NRG1: variants seen among roughly 807,000 people sequenced by gnomAD.
The protein encoded by NRG1 is pro-neuregulin-1, membrane-bound isoform.
In NRG1, 18 loss-of-function variants were observed where a neutral mutation model predicts 63.8. The observed-to-expected ratio is 0.28, with a 90% CI of 0.19 to 0.42. The LOEUF is 0.42. NRG1 is among the 10% of genes least tolerant of loss of function. NRG1 has a pLI of 1.00. For missense variants in NRG1, 762 were observed against 814.7 expected, an observed-to-expected ratio of 0.94 and a Z score of 0.79; for synonymous variants, 302 against 301.3, an observed-to-expected ratio of 1.00 and a Z score of -0.02.
chr8:32,645,173 A>G (rs913880095), intron 5 of NRG1, among the ~76,000 whole-genome samples: 1 of 152,196 alleles, frequency 6.6e-6, no homozygotes, highest in East Asian at 1.9e-4. Context: ...AGATCTTACT[A>G]TCTTTCAATT....
At chr8:32,352,910 T>G (rs547177728) in intron 1 of NRG1, among the ~76,000 whole-genome samples, 24 of 118,266 alleles carry the variant, frequency 2.0e-4, no homozygotes, top group African/African-American at 6.8e-4. Context: ...CATATATATA[T>G]ATATAGAGAG....
chr8:32,359,204 C>T (rs1806884933), intron 1 of NRG1, among the ~76,000 whole-genome samples: 1 of 152,042 alleles, frequency 6.6e-6, no homozygotes, highest in Non-Finnish European at 1.5e-5. Flanking sequence ...TTGAAGAGTA[C>T]ATAAGAGACG....
At chr8:32,311,228 G>A (rs1316814096) in intron 1 of NRG1, among the ~76,000 whole-genome samples, 1 of 152,216 alleles carries the variant, frequency 6.6e-6, no homozygotes, top group Non-Finnish European at 1.5e-5. Context: ...GAACAAGACA[G>A]ATAAGATTCC....
chr8:32,362,793 T>G (rs555313156), intron 1 of NRG1, among the ~76,000 whole-genome samples: 3 of 152,230 alleles, frequency 2.0e-5, no homozygotes, highest in Admixed American at 1.3e-4. Context: ...CCATGGAAGA[T>G]CTAATGAAAA....
chr8:32,709,173 A>C (rs151090405), intron 5 of NRG1, among the ~76,000 whole-genome samples: 2 of 152,284 alleles, frequency 1.3e-5, no homozygotes, highest in Non-Finnish European at 2.9e-5. Context: ...TTAGGAAACA[A>C]AGAAGCCTAA....
At chr8:32,357,325 A>C (rs1477278310) in intron 1 of NRG1, among the ~76,000 whole-genome samples, 4 of 152,228 alleles carry the variant, frequency 2.6e-5, no homozygotes, top group Non-Finnish European at 5.9e-5. Flanking sequence ...TGTTAGCACA[A>C]AGAAAGGATG....
chr8:32,508,457 GT>G (rs34925580), intron 1 of NRG1, among the ~76,000 whole-genome samples: 25,187 of 143,760 alleles, frequency 0.18, 2,378 homozygotes, highest in Admixed American at 0.31. Context: ...TACCCAGCTA[GT>G]TTTTTTTTTT....
intron 1 of NRG1, among the ~76,000 whole-genome samples, chr8:32,566,655 T>A (rs181072441): frequency 6.6e-6 from 1 of 152,182 alleles, no homozygotes. Context: ...TAAGGTGATG[T>A]TTATTATATT....
intron 7 of NRG1, among the ~76,000 whole-genome samples, chr8:32,747,423 C>T (rs890094626): frequency 7.9e-5 from 12 of 151,712 alleles, no homozygotes; most frequent in African/African-American, 2.2e-4. Context: ...AATGTTTTCA[C>T]GTGGATGTTC....
chr8:32,462,504 A>C (rs1011168772), intron 1 of NRG1, among the ~76,000 whole-genome samples: 1 of 152,086 alleles, frequency 6.6e-6, no homozygotes, highest in African/African-American at 2.4e-5. Flanking sequence ...GAGCACATAA[A>C]ATCTACTTAT....
chr8:32,538,784 G>A (rs1461739920), intron 1 of NRG1, among the ~76,000 whole-genome samples: 4 of 152,210 alleles, frequency 2.6e-5, no homozygotes, highest in African/African-American at 7.2e-5. Context: ...ATATACATAC[G>A]GTGGTTGTGT....
chr8:32,454,523 A>G (rs562324504), intron 1 of NRG1, among the ~76,000 whole-genome samples: 18 of 151,542 alleles, frequency 1.2e-4, no homozygotes, highest in Non-Finnish European at 2.4e-4. Flanking sequence ...AAGAAAAAAA[A>G]CCGACATTGG....
chr8:32,750,485 C>A (rs1054684361), intron 7 of NRG1, among the ~76,000 whole-genome samples: 4 of 151,992 alleles, frequency 2.6e-5, no homozygotes, highest in African/African-American at 9.7e-5. Context: ...AGTCCCGGAC[C>A]ATGGTTGGGT....
intron 1 of NRG1, among the ~76,000 whole-genome samples, chr8:32,457,835 A>G (rs913339147): frequency 2.6e-5 from 4 of 152,154 alleles, no homozygotes; most frequent in Admixed American, 6.6e-5. Context: ...ATACATGCTT[A>G]TGGTTACTTA....
intron 1 of NRG1, among the ~76,000 whole-genome samples, chr8:32,522,260 G>A (rs1830412459): frequency 6.6e-6 from 1 of 152,144 alleles, no homozygotes; most frequent in South Asian, 2.1e-4. Context: ...TGATTAAAAC[G>A]AGACATTTGC....
chr8:31,731,417 T>TACAC (rs139927733), intron 1 of NRG1, among the ~76,000 whole-genome samples: 28,836 of 148,204 alleles, frequency 0.19, 2,991 homozygotes, highest in African/African-American at 0.24. Flanking sequence ...AATTATGTCA[T>TACAC]ACACACACAC....
At chr8:31,691,534 G>A (rs1809512045) in intron 1 of NRG1, among the ~76,000 whole-genome samples, 1 of 140,232 alleles carries the variant, frequency 7.1e-6, no homozygotes, top group Non-Finnish European at 1.5e-5. Flanking sequence ...GGCGGAGCTT[G>A]CAGTGAGCCG....
In NRG1 at chr8:32,400,706, A is replaced by G. The variant is rs544845389; in HGVS notation, c.38-195122A>G. On this transcript the variant is annotated intron_variant, in intron 1 of 10. Transcript: ENST00000519301. ...TGCTGGTGGGACTGTAAATCAGTTC[A>G]GCCGTTCTGGAAAGCAGCATGGCGA... Among the ~76,000 whole-genome samples the G allele has an allele frequency of 2.7e-4, 41 of 152,352 alleles. 2 individuals carry two copies. Among genetic ancestry groups the G allele is most frequent in the African/African-American group, 9.9e-4 (41 of 41,590 alleles).
At chr8:32,048,561 G>T (rs1051711668) in intron 1 of NRG1, among the ~76,000 whole-genome samples, 3 of 148,820 alleles carry the variant, frequency 2.0e-5, no homozygotes, top group East Asian at 2.0e-4. Flanking sequence ...TTCCATAATG[G>T]TTACACTAAT....
Sources: allele counts gnomAD v4.1 joint callset (sites outside exome capture counted in the v4.1 genomes callset), GRCh38; gene constraint gnomAD v4.1.1; transcripts MANE v1.5; gene names NCBI Gene and HGNC (gene_info 2026-07-23, HGNC 2026-07-21).